The following PDK1 variants were observed in gnomAD, a reference collection of about 807,000 sequenced individuals.
PDK1 encodes the protein [Pyruvate dehydrogenase (acetyl-transferring)] kinase isozyme 1, mitochondrial.
PDK1 carries 39 observed loss-of-function variants against 54.2 expected under a neutral mutation model. The observed-to-expected ratio is 0.72, with a 90% CI of 0.56 to 0.94. The LOEUF is 0.94. Among genes scored for constraint, PDK1 ranks in the 40% least tolerant of loss-of-function variants. The pLI, the probability that PDK1 is intolerant of heterozygous loss-of-function variation, is 0.00. For missense variants in PDK1, 552 were observed against 566.0 expected (o/e 0.98, Z 0.25); for synonymous variants, 221 against 207.1 (o/e 1.07, Z -0.58).
intron 6 of PDK1, among the ~76,000 whole-genome samples, chr2:172,567,618 G>T (rs1422188709): frequency 6.6e-6 from 1 of 152,236 alleles, no homozygotes; most frequent in African/African-American, 2.4e-5. Flanking sequence ...AAATAGCATT[G>T]CTTGGTGATT....
At chr2:172,646,507 A>G in the PDK1 span, among the ~76,000 whole-genome samples, 11,587 of 151,262 alleles carry the variant, frequency 0.077, 1,116 homozygotes, top group African/African-American at 0.23. Flanking sequence ...ATCGAAGGCA[A>G]AAAAAAAGCG....
the PDK1 span, among the ~76,000 whole-genome samples, chr2:172,641,566 C>G: frequency 1.3e-5 from 2 of 151,896 alleles, no homozygotes; most frequent in Non-Finnish European, 2.9e-5. Context: ...CTCAGCCTCC[C>G]GAGTAGCTGG....
At chr2:172,660,026 G>A in the PDK1 span, among the ~76,000 whole-genome samples, 1 of 152,056 alleles carries the variant, frequency 6.6e-6, no homozygotes, top group African/African-American at 2.4e-5. Context: ...GCTGCATGGG[G>A]GTTCTGCTAA....
chr2:172,652,364 A>C, the PDK1 span, among the ~76,000 whole-genome samples: 2 of 152,240 alleles, frequency 1.3e-5, no homozygotes, highest in African/African-American at 4.8e-5. Context: ...CCAATATCAT[A>C]CTGAATGGGC....
At position 172,568,783 on chromosome 2, in the gene PDK1, C is replaced by G. The variant is rs779482243; in HGVS notation, c.812C>G (p.Ser271Cys). The change falls in exon 7 of 11, where the codon TCC becomes TGC. Residue 271 changes from serine to cysteine, a missense_variant. By Grantham distance (112) the Ser-to-Cys change is moderately radical. Transcript: ENST00000282077. ...CCAATACAAGTGGTTTATGTACCATCCCATCTCTATCACATGGTGTTTGAA... is the reference window on the plus strand; with the variant it reads ...CCAATACAAGTGGTTTATGTACCATGCCATCTCTATCACATGGTGTTTGAA... ...GQPIQVVYVP[S>C]HLYHMVFELF... 1.2e-6 allele frequency: 2 copies of G among 1,608,202 alleles called. No homozygotes were observed. Among genetic ancestry groups the G allele is most frequent in the Non-Finnish European group, 1.7e-6 (2 of 1,174,618 alleles).
Position 172,564,983 on chromosome 2 carries a change from TTG to T in PDK1, c.603_604del (p.Leu201PhefsTer26). ...IRMLLNQHSLLFGGKGKGSPS... is the reference protein window; with the variant it reads ...IRMLLNQHSLXFGGKGKGSPS... The stretch of plus-strand genomic sequence containing the variant: ...TTTTTTTCCTTTTTGGATAGCTTTA[TTG>T]TTTGGTGGAAAAGGCAAAGGAAGTC... On this transcript the variant is annotated frameshift_variant, in exon 5 of 11. Transcript: ENST00000282077. LOFTEE classifies it high-confidence loss of function. The T allele has an allele frequency of 1.9e-6, 3 of 1,610,228 alleles. No homozygotes were observed. Among genetic ancestry groups the T allele is most frequent in the Non-Finnish European group, 2.5e-6 (3 of 1,176,616 alleles).
At chr2:172,706,332 G>T in the PDK1 span, among the ~76,000 whole-genome samples, 1 of 149,914 alleles carries the variant, frequency 6.7e-6, no homozygotes, top group Non-Finnish European at 1.5e-5. Context: ...ATTGCTTATT[G>T]TAACATTTTT....
At chr2:172,629,798 G>A in the PDK1 span, among the ~76,000 whole-genome samples, 146 of 152,262 alleles carry the variant, frequency 9.6e-4, no homozygotes, top group Non-Finnish European at 1.7e-3. Context: ...ATGGAGTTCT[G>A]CTCCTGCCGA....
the PDK1 span, among the ~76,000 whole-genome samples, chr2:172,683,864 G>A: frequency 7.9e-5 from 12 of 152,228 alleles, no homozygotes; most frequent in African/African-American, 2.9e-4. Flanking sequence ...CTGACCTGTT[G>A]TACTTAGATG....
chr2:172,625,088 T>C, the PDK1 span, among the ~76,000 whole-genome samples: 1 of 152,028 alleles, frequency 6.6e-6, no homozygotes, highest in African/African-American at 2.4e-5. Context: ...TGAATGACTG[T>C]GTGGAGCAGA....
the PDK1 span, among the ~76,000 whole-genome samples, chr2:172,668,874 C>CAG: frequency 1.6e-5 from 1 of 62,388 alleles, no homozygotes; most frequent in African/African-American, 5.0e-5. Flanking sequence ...TATGTATGTA[C>CAG]ACACACACAC....
chr2:172,576,721 C>A (rs1330857552), intron 8 of PDK1, among the ~76,000 whole-genome samples: 2 of 151,888 alleles, frequency 1.3e-5, no homozygotes, highest in African/African-American at 4.8e-5. Context: ...TGGATTTTTC[C>A]CATTGGTTAA....
chr2:172,582,208 C>T (rs1041550582), intron 8 of PDK1, among the ~76,000 whole-genome samples: 4 of 152,220 alleles, frequency 2.6e-5, no homozygotes, highest in African/African-American at 9.6e-5. Flanking sequence ...GCCACAGCGC[C>T]TGGCCTACAT....
In PDK1 at chr2:172,602,632, A is replaced by G. The variant is rs533439816; in HGVS notation, c.*6663A>G. 2.0e-5 allele frequency: 3 copies of G among 152,354 alleles called. No homozygotes were observed. The South Asian group carries it at 6.2e-4, about 32-fold the overall frequency. 9.4% of individuals were successfully genotyped at this position (152,354 alleles called of 1,614,324 possible). On this transcript the variant is annotated 3_prime_UTR_variant, in exon 11 of 11. Transcript: ENST00000282077. Reference sequence around the variant, plus strand: ...GTATCACCATTTGCAAGGTGTTAACAAAAAGTTACCTGCCTATGGATTCTC... The same window carrying G: ...GTATCACCATTTGCAAGGTGTTAACGAAAAGTTACCTGCCTATGGATTCTC...
At position 172,556,140 on chromosome 2, in the gene PDK1, C is replaced by A; in HGVS notation, c.-11C>A. The A allele has an allele frequency of 2.1e-6, 3 of 1,402,714 alleles. No homozygotes were observed. Among genetic ancestry groups the A allele is most frequent in the South Asian group, 1.5e-5 (1 of 65,226 alleles). The allele number at this position is 1,402,714 out of a possible 1,614,324, so 86.9% of individuals were successfully genotyped here. A position where few individuals can be genotyped will look rare whatever the true frequency, so the allele number is the denominator to read the frequency against. On this transcript the variant is annotated 5_prime_UTR_variant, in exon 1 of 11. Transcript: ENST00000282077. ...GGCGTACTGGCTGTGGCTTCTCTAG[C>A]GGGACTCGGCATGAGGCTGGCGCGG...
the PDK1 span, among the ~76,000 whole-genome samples, chr2:172,700,465 T>A: frequency 6.8e-6 from 1 of 147,762 alleles, no homozygotes; most frequent in Non-Finnish European, 1.5e-5. Flanking sequence ...GCAGAGACGC[T>A]CCTCACTTCC....
chr2:172,593,449 CAG>C (rs1298840104), intron 10 of PDK1, among the ~76,000 whole-genome samples: 1 of 152,070 alleles, frequency 6.6e-6, no homozygotes, highest in Non-Finnish European at 1.5e-5. Flanking sequence ...GCTGTACTGA[CAG>C]TGCATCATTT....
the PDK1 span, among the ~76,000 whole-genome samples, chr2:172,671,531 C>T: frequency 6.8e-6 from 1 of 147,102 alleles, no homozygotes; most frequent in Non-Finnish European, 1.5e-5. Flanking sequence ...TACTTCTTCC[C>T]TCTATTGGTT....
chr2:172,646,162 C>A, the PDK1 span, among the ~76,000 whole-genome samples: 2,399 of 152,192 alleles, frequency 0.016, 63 homozygotes, highest in African/African-American at 0.055. Flanking sequence ...TAGATTAAGA[C>A]ACAACAGAAA....
Sources: allele counts gnomAD v4.1 joint callset (sites outside exome capture counted in the v4.1 genomes callset), GRCh38; gene constraint gnomAD v4.1.1; transcripts MANE v1.5; gene names NCBI Gene and HGNC (gene_info 2026-07-23, HGNC 2026-07-21).